The following LARP4B variants were observed in gnomAD, a reference collection of about 807,000 sequenced individuals.
LARP4B encodes La ribonucleoprotein 4B.
In LARP4B, 12 loss-of-function variants were observed where a neutral mutation model predicts 89.8. That is an observed-to-expected ratio of 0.13 (90% CI 0.09 to 0.22). LARP4B has a LOEUF of 0.22. Among genes scored for constraint, LARP4B ranks in the 10% least tolerant of loss-of-function variants. The probability of loss-of-function intolerance (pLI) is 1.00; values close to 1 mark genes in which losing one functional copy is unlikely to be tolerated. For synonymous variants in LARP4B, 367 were observed against 363.3 expected, an observed-to-expected ratio of 1.01 and a Z score of -0.12; for missense variants, 757 against 947.7, an observed-to-expected ratio of 0.80 and a Z score of 2.64.
At chr10:930,909 G>A (rs1408453919) in intron 1 of LARP4B, among the ~76,000 whole-genome samples, 1 of 151,084 alleles carries the variant, frequency 6.6e-6, no homozygotes, top group Non-Finnish European at 1.5e-5. Context: ...CAAGGCTGGC[G>A]CCGCACTGCG....
At chr10:829,358 T>C (rs755739230) in intron 11 of LARP4B, 27 bp downstream of exon 11, 1 of 1,548,714 alleles carries the variant, frequency 6.5e-7, no homozygotes, top group Non-Finnish European at 8.7e-7. Context: ...GTCTACAACA[T>C]AAATTCCTAG....
rs189267897 is a variant in LARP4B, at chr10:846,708, G to A, written c.431-1653C>T. On this transcript the variant is annotated intron_variant, in intron 5 of 17. Coordinates refer to ENST00000316157, the MANE Select transcript of LARP4B (RefSeq NM_015155.3). The stretch of plus-strand genomic sequence containing the variant: ...TCTGGTTCCATGGTGTAGACAGACT[G>A]TGCAGGCACCAGCCGGAAGATAATG... Among the ~76,000 whole-genome samples the A allele has an allele frequency of 1.5e-3, 227 of 152,288 alleles. 1 individual carries two copies. Among genetic ancestry groups the A allele is most frequent in the African/African-American group, 5.3e-3 (220 of 41,546 alleles).
the LARP4B span, among the ~76,000 whole-genome samples, chr10:951,011 C>T: frequency 1.3e-5 from 2 of 151,232 alleles, no homozygotes; most frequent in South Asian, 4.2e-4. Context: ...CTCTCCCTTC[C>T]TTCTCTCTCT....
intron 3 of LARP4B, among the ~76,000 whole-genome samples, chr10:865,570 T>A (rs1426090291): frequency 6.6e-6 from 1 of 152,076 alleles, no homozygotes; most frequent in African/African-American, 2.4e-5. Context: ...GTCCAGAACA[T>A]CCTGCCCAGA....
intron 3 of LARP4B, among the ~76,000 whole-genome samples, chr10:879,276 A>G (rs1041315020): frequency 6.6e-6 from 1 of 152,344 alleles, no homozygotes; most frequent in Middle Eastern, 3.4e-3. Flanking sequence ...AATACATTCT[A>G]AGAGGAAAAG....
intron 7 of LARP4B, among the ~76,000 whole-genome samples, chr10:838,079 C>T (rs6560856): frequency 9.7e-4 from 148 of 152,246 alleles, no homozygotes; most frequent in African/African-American, 3.4e-3. Context: ...CTAAACCACT[C>T]GACATCCACA....
At chr10:858,732 T>C (rs1340247706) in intron 5 of LARP4B, among the ~76,000 whole-genome samples, 1 of 152,182 alleles carries the variant, frequency 6.6e-6, no homozygotes, top group Non-Finnish European at 1.5e-5. Flanking sequence ...AGGATTTGAA[T>C]AGACATTTAT....
chr10:929,778 TAAGTC>T (rs1423528391), intron 1 of LARP4B, among the ~76,000 whole-genome samples: 1 of 151,300 alleles, frequency 6.6e-6, no homozygotes, highest in Non-Finnish European at 1.5e-5. Flanking sequence ...TTCATATAAA[TAAGTC>T]AACTCAACTC....
chr10:876,531 C>T (rs930549493), intron 3 of LARP4B, among the ~76,000 whole-genome samples: 4 of 152,308 alleles, frequency 2.6e-5, no homozygotes, highest in Admixed American at 6.5e-5. Flanking sequence ...ACTCCATGTC[C>T]CAACCCTCTG....
chr10:946,963 G>A, the LARP4B span, among the ~76,000 whole-genome samples: 6 of 152,074 alleles, frequency 3.9e-5, no homozygotes, highest in Non-Finnish European at 5.9e-5. Flanking sequence ...CCACCTCCTG[G>A]GTTCAAGCGA....
chr10:923,599 G>A (rs79175813), intron 1 of LARP4B, among the ~76,000 whole-genome samples: 3,810 of 151,482 alleles, frequency 0.025, 158 homozygotes, highest in African/African-American at 0.085. Context: ...TCTCAACAAT[G>A]AAATACAAAT....
downstream of LARP4B, chr10:809,048 T>C (rs1190095394): frequency 6.6e-6 from 1 of 152,094 alleles, no homozygotes. Flanking sequence ...GAAAAGGCAA[T>C]GCACAGAGGA....
upstream of LARP4B, among the ~76,000 whole-genome samples, chr10:936,327 C>G (rs933592138): frequency 6.6e-6 from 1 of 151,910 alleles, no homozygotes; most frequent in African/African-American, 2.4e-5. Context: ...TCCAAGCCAA[C>G]TTAAGAAGGA....
At chr10:916,051 T>TA (rs1375311547) in intron 1 of LARP4B, among the ~76,000 whole-genome samples, 6 of 152,162 alleles carry the variant, frequency 3.9e-5, no homozygotes, top group African/African-American at 1.4e-4. Flanking sequence ...ATTGGTATGT[T>TA]AAAATTGTAT....
intron 7 of LARP4B, among the ~76,000 whole-genome samples, chr10:841,524 C>T (rs540384813): frequency 5.3e-5 from 8 of 152,364 alleles, no homozygotes; most frequent in South Asian, 4.1e-4. Context: ...TTGGTGGAAA[C>T]GACCCCTTGC....
At chr10:881,169 G>A (rs1238978639) in intron 3 of LARP4B, among the ~76,000 whole-genome samples, 1 of 152,192 alleles carries the variant, frequency 6.6e-6, no homozygotes, top group Non-Finnish European at 1.5e-5. Context: ...AATACCAGTG[G>A]TCAGATATTT....
In LARP4B at chr10:822,516, C is replaced by T. The variant is rs1832408434; in HGVS notation, c.1485-1671G>A. On this transcript the variant is annotated intron_variant, in intron 13 of 17. Coordinates refer to ENST00000316157, the MANE Select transcript of LARP4B (RefSeq NM_015155.3). The surrounding 1 kb of genome is among the most constrained non-coding windows in gnomAD (Gnocchi z 4.6). ...GGCCCAGCCAACACTCCCCCACACC[C>T]TCACTGGGCTCCACGTAACCCGTGT... 6.6e-6 allele frequency among the ~76,000 whole-genome samples: 1 copy of T among 152,232 alleles called. No individual in the cohort carries two copies. The highest frequency in any genetic ancestry group is 1.5e-5 in the Non-Finnish European group (1 of 68,030).
intron 8 of LARP4B, among the ~76,000 whole-genome samples, chr10:833,246 C>CT (rs1564391853): frequency 3.8e-5 from 2 of 52,148 alleles, no homozygotes; most frequent in African/African-American, 7.2e-5. Context: ...AGCTGATGAG[C>CT]TTTAAAAAAA....
At position 814,967 on chromosome 10, in the gene LARP4B, G is replaced by A. The variant is rs750237406; in HGVS notation, c.1799C>T (p.Pro600Leu). The change falls in exon 16 of 18, where the codon CCC (proline) becomes CTC (leucine). Residue 600 changes from proline (P) to leucine (L), a missense_variant. Physicochemically the swap from Pro to Leu is moderately conservative, Grantham distance 98 (BLOSUM62 -3). Coordinates refer to ENST00000316157, the MANE Select transcript of LARP4B (RefSeq NM_015155.3). This position sits in a 1 kb window ranked among gnomAD's most constrained non-coding sequence, Gnocchi z 4.4. ...TCACTCGGGTAAATGAGCTGGGGAG[G>A]GGGATCGCTCGTACGTTGCTGATAC... ...CAVSATYERS[P>L]SPAHLPDDPK... is the part of the protein sequence containing the mutation. 2.5e-6 allele frequency: 4 copies of A among 1,602,770 alleles called. No individual in the cohort carries two copies. In the South Asian group the frequency reaches 3.3e-5, roughly 13 times the overall value.
Sources: gnomAD v4.1 joint callset for allele counts (sites outside exome capture counted in the v4.1 genomes callset) on GRCh38, gnomAD v4.1.1 for gene constraint, Gnocchi (gnomAD v3.1) non-coding constraint, MANE v1.5 for transcripts, NCBI Gene and HGNC (gene_info 2026-07-23, HGNC 2026-07-21) for gene names.